Variants in TBC1D14 observed in about 807,000 individuals in gnomAD.
The protein encoded by TBC1D14 is TBC1 domain family member 14.
A neutral mutation model predicts 79.0 loss-of-function variants in TBC1D14; 26 were observed. The ratio of observed to expected loss-of-function variants is 0.33; its 90% CI spans 0.24 to 0.46. TBC1D14 has a LOEUF of 0.46. TBC1D14 is among the 20% of genes least tolerant of loss of function. The pLI is 1.00. For synonymous variants in TBC1D14, 394 were observed against 349.9 expected, an observed-to-expected ratio of 1.13 and a Z score of -1.40; for missense variants, 769 against 887.6, an observed-to-expected ratio of 0.87 and a Z score of 1.70.
At chr4:6,930,234 C>A (rs1161546201) in intron 2 of TBC1D14, among the ~76,000 whole-genome samples, 2 of 152,228 alleles carry the variant, frequency 1.3e-5, no homozygotes, top group African/African-American at 2.4e-5. Context: ...AGAATTGCTT[C>A]TTGAGCCATC....
chr4:6,991,393 G>A (rs978967033), intron 3 of TBC1D14, among the ~76,000 whole-genome samples: 4 of 152,148 alleles, frequency 2.6e-5, no homozygotes, highest in African/African-American at 7.2e-5. Flanking sequence ...CCACTTGCCC[G>A]CCGGGTAAGT....
intron 1 of TBC1D14, among the ~76,000 whole-genome samples, chr4:6,921,590 A>G (rs1254541212): frequency 6.6e-6 from 1 of 151,752 alleles, no homozygotes; most frequent in Non-Finnish European, 1.5e-5. Context: ...CAGTGGCATG[A>G]TCTTGGCCCA....
chr4:6,991,583 C>T (rs561493325), intron 3 of TBC1D14, among the ~76,000 whole-genome samples: 3 of 152,306 alleles, frequency 2.0e-5, no homozygotes, highest in East Asian at 1.9e-4. Flanking sequence ...CTTGAACCTT[C>T]GTTGGGCCAT....
chr4:6,929,635 A>G (rs890387801), intron 2 of TBC1D14, among the ~76,000 whole-genome samples: 3 of 152,190 alleles, frequency 2.0e-5, no homozygotes, highest in Non-Finnish European at 4.4e-5. Context: ...GGGAGACCAC[A>G]GAGATGGTAG....
At chr4:6,970,233 C>T (rs892677064) in intron 3 of TBC1D14, among the ~76,000 whole-genome samples, 3 of 152,182 alleles carry the variant, frequency 2.0e-5, no homozygotes, top group African/African-American at 7.2e-5. Context: ...GACATAAGAA[C>T]TTGGACTTTG....
intron 3 of TBC1D14, chr4:6,987,186 T>C (rs1000420399): frequency 1.6e-6 from 2 of 1,219,826 alleles, no homozygotes; most frequent in Non-Finnish European, 2.0e-6. Context: ...TCGCTGTGTC[T>C]GCGCGCGATT....
intron 3 of TBC1D14, chr4:6,987,018 C>A (rs55633489): frequency 0.065 from 24,389 of 377,574 alleles, 1,696 homozygotes; most frequent in African/African-American, 0.21. Context: ...TGGCTCTCCG[C>A]CTGTCGGCGC....
At chr4:6,953,082 A>G (rs1217033592) in intron 2 of TBC1D14, among the ~76,000 whole-genome samples, 2 of 143,686 alleles carry the variant, frequency 1.4e-5, no homozygotes, top group Admixed American at 6.9e-5. Context: ...CTGGAGTACA[A>G]TGGTGCAATC....
intron 3 of TBC1D14, among the ~76,000 whole-genome samples, chr4:6,970,049 C>T (rs1237340128): frequency 6.6e-6 from 1 of 152,156 alleles, no homozygotes; most frequent in Admixed American, 6.5e-5. Context: ...TAGGCATGGG[C>T]TCACACAGCC....
At chr4:6,979,760 TTAATA>T (rs1717198182) in intron 3 of TBC1D14, among the ~76,000 whole-genome samples, 1 of 152,160 alleles carries the variant, frequency 6.6e-6, no homozygotes, top group Non-Finnish European at 1.5e-5. Context: ...GATAAGTCTA[TTAATA>T]TAATAAAAAT....
At chr4:6,931,953 G>A (rs1266248729) in intron 2 of TBC1D14, among the ~76,000 whole-genome samples, 1 of 151,908 alleles carries the variant, frequency 6.6e-6, no homozygotes, top group Non-Finnish European at 1.5e-5. Flanking sequence ...AAGAGCTACG[G>A]AGAAAGCCAG....
Position 7,005,067 on chromosome 4 carries a change from G to GT in TBC1D14, c.1351+147dup, listed in dbSNP as rs1188270714. ...GCTCCACGAGAAAAGGGTTTTTTTT[G>GT]TTTTGTTTTTTTTAGCAAAAATTAA... On this transcript the variant is annotated intron_variant, in intron 8 of 13. Coordinates refer to ENST00000409757, the MANE Select transcript of TBC1D14 (RefSeq NM_020773.3). 4 of 813,502 alleles carry GT rather than the reference G, an allele frequency of 4.9e-6. No individual in the cohort carries two copies. In the African/African-American group the frequency reaches 7.1e-5, roughly 14 times the overall value. 50.4% of individuals were successfully genotyped at this position (813,502 alleles called of 1,614,324 possible). A position where few individuals can be genotyped will look rare whatever the true frequency, so the allele number is the denominator to read the frequency against.
Position 6,923,562 on chromosome 4 carries a change from G to A in TBC1D14, c.173G>A (p.Arg58Gln). 3 of 1,614,088 alleles carry A rather than the reference G, an allele frequency of 1.9e-6. No homozygotes were observed. The highest frequency in any genetic ancestry group is 4.5e-5 in the East Asian group (2 of 44,866). Residue 58 changes from arginine to glutamine, a missense_variant, in exon 2 of 14, where the codon CGG becomes CAG. Arg to Gln is a conservative substitution (Grantham distance 43). This residue lies in a region of TBC1D14 where 402 missense variants were observed against 393.2 expected (regional missense o/e 1.02). Transcript: ENST00000409757. Reference protein sequence around the residue: ...PKLKLRALEDRHSLQSVDSGI... With the variant: ...PKLKLRALEDQHSLQSVDSGI... ...CTGAAACTCAGGGCTTTAGAAGACC[G>A]GCACAGCCTCCAGTCCGTGGACTCG...
chr4:7,010,532 T>G (rs1577166252), intron 10 of TBC1D14, 121 bp from the exon 11 acceptor site: 1 of 1,221,164 alleles, frequency 8.2e-7, no homozygotes, highest in East Asian at 2.6e-5. Flanking sequence ...GCCGGAGGAG[T>G]GGGGCGGCTC....
chr4:6,960,806 T>G (rs1247639092), intron 2 of TBC1D14, among the ~76,000 whole-genome samples: 1 of 152,144 alleles, frequency 6.6e-6, no homozygotes, highest in East Asian at 1.9e-4. Context: ...CTGCGTCTCT[T>G]CAGATGTTGC....
In TBC1D14 at chr4:6,920,696, A is replaced by T. The variant is rs1049468556; in HGVS notation, c.-17-2677A>T. On this transcript the variant is annotated intron_variant, in intron 1 of 13. Transcript: ENST00000409757. ...TACTTGATTTAATTCTCCCAAGGCA[A>T]TATAGAGCCCAGGAGCGTGTGAGTC... is the stretch of plus-strand genomic sequence containing the variant. Among the ~76,000 whole-genome samples, 11 of 152,318 alleles carry T rather than the reference A, an allele frequency of 7.2e-5. 1 individual carries two copies. The South Asian group carries it at 2.3e-3, about 32-fold the overall frequency.
At chr4:6,967,211 A>T (rs1715778942) in intron 2 of TBC1D14, 93 bp from the exon 3 acceptor site, 1 of 1,500,512 alleles carries the variant, frequency 6.7e-7, no homozygotes, top group African/African-American at 1.4e-5. Context: ...TTCTCAGAGG[A>T]AAGCTGACTT....
chr4:7,016,387 G>C (rs917241151), intron 12 of TBC1D14, among the ~76,000 whole-genome samples: 3 of 152,224 alleles, frequency 2.0e-5, no homozygotes, highest in African/African-American at 7.2e-5. Flanking sequence ...CAAAGCTCCT[G>C]CACAGGCTGC....
At chr4:6,921,477 G>C (rs1410461416) in intron 1 of TBC1D14, among the ~76,000 whole-genome samples, 2 of 152,032 alleles carry the variant, frequency 1.3e-5, no homozygotes. Context: ...AAAATGCTGG[G>C]ATCACAGGCA....
Sources: allele counts gnomAD v4.1 joint callset (sites outside exome capture counted in the v4.1 genomes callset), GRCh38; gene constraint gnomAD v4.1.1; regional missense constraint gnomAD v4.1.1; transcripts MANE v1.5; gene names NCBI Gene and HGNC (gene_info 2026-07-23, HGNC 2026-07-21).